DZIP3: variants seen among roughly 807,000 people sequenced by gnomAD.
DZIP3 encodes E3 ubiquitin-protein ligase DZIP3.
A neutral mutation model predicts 162.0 loss-of-function variants in DZIP3; 118 were observed. The observed-to-expected ratio is 0.73, with a 90% CI of 0.63 to 0.85. DZIP3 has a LOEUF of 0.85. DZIP3 is among the 40% of genes least tolerant of loss of function. The pLI is 0.00. For missense variants in DZIP3, 1,331 were observed against 1,407.0 expected (o/e 0.95, Z 0.86); for synonymous variants, 438 against 458.6 (o/e 0.96, Z 0.57).
chr3:108,674,680 G>T (rs558087189), intron 24 of DZIP3, among the ~76,000 whole-genome samples: 1 of 151,898 alleles, frequency 6.6e-6, no homozygotes, highest in Non-Finnish European at 1.5e-5. Context: ...CACCTAAATC[G>T]TATGTTAAAG....
chr3:108,680,345 G>C (rs967098160), intron 26 of DZIP3, among the ~76,000 whole-genome samples: 1 of 151,976 alleles, frequency 6.6e-6, no homozygotes, highest in Non-Finnish European at 1.5e-5. Flanking sequence ...GGAAAGAAGG[G>C]AGTCAGACTG....
chr3:108,623,459 A>T (rs1305791416), intron 5 of DZIP3, among the ~76,000 whole-genome samples: 1 of 152,098 alleles, frequency 6.6e-6, no homozygotes, highest in Non-Finnish European at 1.5e-5. Context: ...GTCTAGAAAT[A>T]TTGTCTTGGA....
chr3:108,666,594 T>A (rs1943688455), intron 21 of DZIP3, among the ~76,000 whole-genome samples: 1 of 152,140 alleles, frequency 6.6e-6, no homozygotes, highest in Non-Finnish European at 1.5e-5. Flanking sequence ...ATACACATGC[T>A]TTCAAGTGAC....
intron 13 of DZIP3, among the ~76,000 whole-genome samples, chr3:108,643,332 T>G (rs1291113111): frequency 1.3e-5 from 2 of 152,154 alleles, no homozygotes; most frequent in Admixed American, 6.5e-5. Context: ...TCATGCCTTA[T>G]TCCATGTTAT....
chr3:108,656,754 C>G (rs1042957985), intron 19 of DZIP3, among the ~76,000 whole-genome samples: 1 of 152,010 alleles, frequency 6.6e-6, no homozygotes, highest in Middle Eastern at 3.2e-3. Context: ...AAAAATTAGA[C>G]GAATGGCTAA....
chr3:108,607,684 A>G (rs1940457057), intron 2 of DZIP3, among the ~76,000 whole-genome samples: 1 of 152,176 alleles, frequency 6.6e-6, no homozygotes, highest in South Asian at 2.1e-4. Flanking sequence ...AGGAACCCCA[A>G]ACAGAAAATA....
At chr3:108,591,402 T>A (rs943619181) in intron 1 of DZIP3, among the ~76,000 whole-genome samples, 4 of 152,270 alleles carry the variant, frequency 2.6e-5, no homozygotes, top group African/African-American at 7.2e-5. Flanking sequence ...GTTGGACTTT[T>A]CATCTGTGAT....
At chr3:108,673,201 A>G (rs1174315711) in intron 23 of DZIP3, among the ~76,000 whole-genome samples, 1 of 151,942 alleles carries the variant, frequency 6.6e-6, no homozygotes, top group Non-Finnish European at 1.5e-5. Context: ...TAAGATTCAC[A>G]TTTTTGGAGA....
In DZIP3 at chr3:108,624,471, T is replaced by A; in HGVS notation, c.403T>A (p.Leu135Met). ...TAHQINIGYY[L>M]TLLFLYGVAL... The stretch of plus-strand genomic sequence containing the variant: ...ACACCAGATTAATATTGGTTATTAT[T>A]TGACATTACTGTTTTTATATGGAGT... Residue 135 changes from leucine to methionine, a missense_variant, in exon 6 of 33, where the codon TTG becomes ATG. Physicochemically the swap from Leu to Met is conservative, Grantham distance 15. Around this residue, in one of 2 missense-constraint regions of DZIP3, gnomAD observed 1,278 missense variants for 1,317.1 expected, o/e 0.97. Transcript: ENST00000361582. 1.3e-6 allele frequency: 2 copies of A among 1,598,540 alleles called. No homozygotes were observed. The highest frequency in any genetic ancestry group is 1.7e-6 in the Non-Finnish European group (2 of 1,169,606).
At position 108,619,720 on chromosome 3, in the gene DZIP3, A is replaced by G. The variant is rs548402750; in HGVS notation, c.375+3063A>G. On this transcript the variant is annotated intron_variant, in intron 5 of 32. Transcript: ENST00000361582. ...TACCCAGTCTACCATTTCAAAGGCA[A>G]ATTTCATCTGGAAACACGCTCAGAG... Among the ~76,000 whole-genome samples the G allele has an allele frequency of 2.0e-5, 3 of 152,236 alleles. No individual in the cohort carries two copies. The South Asian group carries it at 6.2e-4, about 32-fold the overall frequency.
intron 10 of DZIP3, among the ~76,000 whole-genome samples, chr3:108,635,646 TA>T (rs1942113938): frequency 1.4e-5 from 2 of 147,182 alleles, no homozygotes; most frequent in Admixed American, 1.4e-4. Context: ...GTTATATATA[TA>T]TTATAATATT....
At chr3:108,652,171 A>G (rs893636054) in intron 18 of DZIP3, among the ~76,000 whole-genome samples, 1 of 151,860 alleles carries the variant, frequency 6.6e-6, no homozygotes. Flanking sequence ...TGATGATCAG[A>G]TCATCCAGGA....
chr3:108,679,721 C>T lies in DZIP3; in HGVS notation c.2883+2123C>T, dbSNP rs143814454. Among the ~76,000 whole-genome samples the T allele has an allele frequency of 5.1e-3, 779 of 152,202 alleles. 4 individuals carry two copies. Among genetic ancestry groups the T allele is most frequent in the African/African-American group, 0.015 (607 of 41,552 alleles). The stretch of plus-strand genomic sequence containing the variant: ...CTATGTTGATCTTGGGAAAAATCAG[C>T]TCTTCTGGACTTTTGATTTCCCATC... On this transcript the variant is annotated intron_variant, in intron 26 of 32. Coordinates refer to ENST00000361582, the MANE Select transcript of DZIP3 (RefSeq NM_014648.4).
Position 108,688,696 on chromosome 3 carries a change from C to T in DZIP3, c.3374C>T (p.Thr1125Ile). Residue 1125 changes from threonine to isoleucine, a missense_variant, in exon 30 of 33, where the codon ACT becomes ATT. By Grantham distance (89) the Thr-to-Ile change is moderately conservative. This residue lies in a region of DZIP3 where 1,278 missense variants were observed against 1,317.1 expected (regional missense o/e 0.97). Coordinates refer to ENST00000361582, the MANE Select transcript of DZIP3 (RefSeq NM_014648.4). Reference protein sequence around the residue: ...QPPKPAWRPLTSQGPATWEGA... With the variant: ...QPPKPAWRPLISQGPATWEGA... ...CCAAAACCAGCCTGGAGGCCACTCA[C>T]TTCACAGGGTCCTGCCACATGGGAA... The T allele has an allele frequency of 6.2e-7, 1 of 1,614,102 alleles. No individual in the cohort carries two copies. The highest frequency in any genetic ancestry group is 1.3e-5 in the African/African-American group (1 of 75,066).
chr3:108,637,465 T>C (rs779649570), intron 11 of DZIP3, 31 bp from the exon 12 acceptor site: 44 of 1,602,738 alleles, frequency 2.7e-5, no homozygotes, highest in Non-Finnish European at 3.6e-5. Context: ...TGAACTACTT[T>C]AGGGCTATTT....
chr3:108,650,336 A>G lies in DZIP3; in HGVS notation c.2008-801A>G, dbSNP rs368141112. Among the ~76,000 whole-genome samples, 54 of 151,944 alleles carry G rather than the reference A, an allele frequency of 3.6e-4. 1 individual carries two copies. In the East Asian group the frequency reaches 6.9e-3, roughly 20 times the overall value. ...AGGCAGGAGTCAAGAATTCTAAATC[A>G]TAGAATCAAATTGGTACTGGATATT... On this transcript the variant is annotated intron_variant, in intron 17 of 32. Transcript: ENST00000361582.
rs544631687 is a variant in DZIP3 at position 108,606,782 on chromosome 3, A to G, written c.33-1307A>G. 1.6e-4 allele frequency among the ~76,000 whole-genome samples: 24 copies of G among 152,304 alleles called. No individual in the cohort carries two copies. In the South Asian group the frequency reaches 2.7e-3, roughly 17 times the overall value. Reference sequence around the variant, plus strand: ...TTGGAGTTACACATCAAAATTTGTAATGGAGCCTATAGAAAATATAGCAGC... The same window carrying G: ...TTGGAGTTACACATCAAAATTTGTAGTGGAGCCTATAGAAAATATAGCAGC... On this transcript the variant is annotated intron_variant, in intron 2 of 32. Transcript: ENST00000361582.
intron 26 of DZIP3, among the ~76,000 whole-genome samples, chr3:108,681,458 A>G (rs1471110172): frequency 6.6e-6 from 1 of 152,320 alleles, no homozygotes; most frequent in South Asian, 2.1e-4. Context: ...ATGGAGAAAT[A>G]GGAACACTTT....
chr3:108,614,530 G>A (rs931161393), intron 4 of DZIP3, among the ~76,000 whole-genome samples: 4 of 152,128 alleles, frequency 2.6e-5, no homozygotes, highest in Non-Finnish European at 5.9e-5. Context: ...AGCAGATTCT[G>A]TCATTGCCCC....
Sources: gnomAD v4.1 joint callset for allele counts (sites outside exome capture counted in the v4.1 genomes callset) on GRCh38, gnomAD v4.1.1 for gene constraint, gnomAD v4.1.1 regional missense constraint, MANE v1.5 for transcripts, NCBI Gene and HGNC (gene_info 2026-07-23, HGNC 2026-07-21) for gene names.